Variants in CHRM5 observed in about 807,000 individuals in gnomAD.
CHRM5 encodes cholinergic receptor muscarinic 5.
Under a neutral mutation model 39.0 loss-of-function variants are expected in CHRM5, and 18 were observed. That is an observed-to-expected ratio of 0.46 (90% confidence interval 0.32 to 0.68). CHRM5 has a LOEUF of 0.68. Ranked by LOEUF, CHRM5 falls within the 30% of genes least tolerant of loss-of-function variation. The pLI is 0.04. For synonymous variants in CHRM5, 241 were observed against 246.3 expected (o/e 0.98, Z 0.20); for missense variants, 515 against 651.1 (o/e 0.79, Z 2.28).
chr15:34,015,740 A>C (rs1159082094), intron 1 of CHRM5, among the ~76,000 whole-genome samples: 1 of 151,990 alleles, frequency 6.6e-6, no homozygotes, highest in African/African-American at 2.4e-5. Flanking sequence ...CTAATGTTCA[A>C]TGACACGTCT....
chr15:34,005,458 T>C (rs964713918), intron 1 of CHRM5, among the ~76,000 whole-genome samples: 2 of 152,220 alleles, frequency 1.3e-5, no homozygotes, highest in African/African-American at 4.8e-5. Flanking sequence ...ATATTATCTA[T>C]AAACTAATCT....
At chr15:34,058,660 C>T (rs1900238786) in intron 2 of CHRM5, among the ~76,000 whole-genome samples, 1 of 151,856 alleles carries the variant, frequency 6.6e-6, no homozygotes, top group Admixed American at 6.6e-5. Context: ...GTAACTAATA[C>T]ACCCTTGTTC....
intron 1 of CHRM5, among the ~76,000 whole-genome samples, chr15:34,027,335 C>T (rs1327086878): frequency 2.0e-5 from 3 of 151,658 alleles, no homozygotes; most frequent in African/African-American, 7.3e-5. Context: ...GCCAACATGG[C>T]GAAACTCTGT....
chr15:33,982,258 C>T (rs558980008), intron 1 of CHRM5, among the ~76,000 whole-genome samples: 2 of 152,138 alleles, frequency 1.3e-5, no homozygotes, highest in East Asian at 3.9e-4. Flanking sequence ...CAAATTAAGC[C>T]AATCTAATTC....
At chr15:34,020,108 G>A (rs1414030487) in intron 1 of CHRM5, among the ~76,000 whole-genome samples, 5 of 152,174 alleles carry the variant, frequency 3.3e-5, no homozygotes, top group South Asian at 2.1e-4. Flanking sequence ...TCAGGAGATC[G>A]AGACCATCTT....
intron 1 of CHRM5, among the ~76,000 whole-genome samples, chr15:34,022,836 C>G (rs1286264277): frequency 1.3e-5 from 2 of 152,214 alleles, no homozygotes; most frequent in African/African-American, 4.8e-5. Flanking sequence ...TTTTTGCTAC[C>G]TCTGTACCAC....
chr15:34,066,170 A>C lies in CHRM5; in HGVS notation c.*1854A>C, dbSNP rs1900504852. The stretch of plus-strand genomic sequence containing the variant: ...AAGGGCAGGTTGACACCTGCAAAGA[A>C]TTCGGTGGGAACAGTAATTGGCTCA... On this transcript the variant is annotated 3_prime_UTR_variant, in exon 3 of 3. Transcript: ENST00000383263. 1 of 152,248 alleles carries C rather than the reference A, an allele frequency of 6.6e-6. No individual in the cohort carries two copies. The highest frequency in any genetic ancestry group is 6.5e-5 in the Admixed American group (1 of 15,292). 9.4% of individuals were successfully genotyped at this position (152,248 alleles called of 1,614,324 possible).
intron 1 of CHRM5, among the ~76,000 whole-genome samples, chr15:34,007,274 T>G (rs1237948127): frequency 6.6e-6 from 1 of 152,196 alleles, no homozygotes; most frequent in Non-Finnish European, 1.5e-5. Flanking sequence ...TCACCTGCTC[T>G]GCAGAATGAA....
At chr15:34,028,586 C>A (rs572537650) in intron 1 of CHRM5, among the ~76,000 whole-genome samples, 2 of 152,100 alleles carry the variant, frequency 1.3e-5, no homozygotes, top group East Asian at 3.9e-4. Context: ...ACAACAACAA[C>A]AAAAAAGAAG....
chr15:33,978,117 C>A (rs963673776), intron 1 of CHRM5, among the ~76,000 whole-genome samples: 20 of 152,018 alleles, frequency 1.3e-4, no homozygotes, highest in Admixed American at 1.2e-3. Context: ...ATTTTAAAAA[C>A]ATAGAAATTC....
intron 1 of CHRM5, among the ~76,000 whole-genome samples, chr15:34,014,188 C>T (rs1441074842): frequency 6.6e-6 from 1 of 151,866 alleles, no homozygotes; most frequent in Non-Finnish European, 1.5e-5. Flanking sequence ...CATGGCAAAA[C>T]CCCATCTCTA....
At chr15:34,023,044 T>C (rs967857428) in intron 1 of CHRM5, among the ~76,000 whole-genome samples, 1 of 152,100 alleles carries the variant, frequency 6.6e-6, no homozygotes, top group African/African-American at 2.4e-5. Context: ...AAAATTAGCC[T>C]GGCGTGGTGG....
intron 2 of CHRM5, among the ~76,000 whole-genome samples, chr15:34,049,997 C>G (rs570489056): frequency 6.6e-6 from 1 of 151,510 alleles, no homozygotes; most frequent in Admixed American, 6.6e-5. Context: ...AAGCCATTCT[C>G]TCATCTCAGC....
intron 1 of CHRM5, among the ~76,000 whole-genome samples, chr15:34,013,154 T>C (rs1237919656): frequency 1.3e-5 from 2 of 151,922 alleles, no homozygotes; most frequent in Admixed American, 6.6e-5. Flanking sequence ...CTCTGCCTCC[T>C]GGGTTCAAGC....
chr15:34,015,426 G>C (rs1343441400), intron 1 of CHRM5, among the ~76,000 whole-genome samples: 1 of 151,928 alleles, frequency 6.6e-6, no homozygotes, highest in South Asian at 2.1e-4. Flanking sequence ...AGCTTGCAGT[G>C]AGCCGAGATC....
intron 1 of CHRM5, among the ~76,000 whole-genome samples, chr15:34,031,626 T>C (rs2140763745): frequency 6.6e-6 from 1 of 152,352 alleles, no homozygotes; most frequent in East Asian, 1.9e-4. Context: ...TGCATTCCAT[T>C]AATCTCCTAT....
intron 2 of CHRM5, among the ~76,000 whole-genome samples, chr15:34,061,003 G>A (rs1203536298): frequency 2.0e-5 from 3 of 149,452 alleles, no homozygotes; most frequent in East Asian, 2.0e-4. Context: ...GCAACAGAGC[G>A]AGACTCCGTC....
intron 1 of CHRM5, among the ~76,000 whole-genome samples, chr15:34,005,667 T>G (rs1897309904): frequency 6.6e-6 from 1 of 152,222 alleles, no homozygotes; most frequent in South Asian, 2.1e-4. Context: ...CCCTCTTTCA[T>G]CGAGGAAATT....
In CHRM5 at chr15:34,038,977, G is replaced by A; in HGVS notation, c.-407-7563G>A. 3 of 1,113,018 alleles carry A rather than the reference G, an allele frequency of 2.7e-6. No individual in the cohort carries two copies. The highest frequency in any genetic ancestry group is 3.3e-6 in the Non-Finnish European group (3 of 914,980). The allele number at this position is 1,113,018 out of a possible 1,614,324, so 68.9% of individuals were successfully genotyped here. ...GCGGCTCCGGGCCGCTCGCTGTGGC[G>A]ATCTCCGCCAGGCCGGCCGCGGCCT... On this transcript the variant is annotated intron_variant, in intron 1 of 2. Transcript: ENST00000383263.
Sources: gnomAD v4.1 joint callset for allele counts (sites outside exome capture counted in the v4.1 genomes callset) on GRCh38, gnomAD v4.1.1 for gene constraint, MANE v1.5 for transcripts, NCBI Gene and HGNC (gene_info 2026-07-23, HGNC 2026-07-21) for gene names.